GLT8D2: variants seen among roughly 807,000 people sequenced by gnomAD.
GLT8D2 encodes the protein glycosyltransferase 8 domain containing 2, also known as glycosyltransferase 8 domain-containing protein 2.
In GLT8D2, 45 loss-of-function variants were observed where a neutral mutation model predicts 44.5. The observed-to-expected ratio is 1.01, with a 90% CI of 0.80 to 1.30. The LOEUF is 1.30. Ranked by LOEUF, GLT8D2 falls within the 50% of genes most tolerant of loss-of-function variation. The probability of loss-of-function intolerance (pLI) is 0.00; values close to 1 mark genes in which losing one functional copy is unlikely to be tolerated. For synonymous variants in GLT8D2, 156 were observed against 157.2 expected, an observed-to-expected ratio of 0.99 and a Z score of 0.06; for missense variants, 400 against 430.4, an observed-to-expected ratio of 0.93 and a Z score of 0.62.
At chr12:103,995,582 C>T (rs1239786506) in intron 8 of GLT8D2, among the ~76,000 whole-genome samples, 1 of 152,212 alleles carries the variant, frequency 6.6e-6, no homozygotes, top group Non-Finnish European at 1.5e-5. Flanking sequence ...AAATATTTTA[C>T]TTGTTTACTG....
At chr12:104,009,737 T>C (rs1472545313) in intron 4 of GLT8D2, among the ~76,000 whole-genome samples, 1 of 152,216 alleles carries the variant, frequency 6.6e-6, no homozygotes, top group Non-Finnish European at 1.5e-5. Context: ...CAGTGGGAGA[T>C]GATGTGAATC....
At chr12:104,056,117 G>C (rs959164165) in intron 1 of GLT8D2, among the ~76,000 whole-genome samples, 1 of 152,206 alleles carries the variant, frequency 6.6e-6, no homozygotes, top group Admixed American at 6.5e-5. Flanking sequence ...AATTAAGTTA[G>C]GTTCTATCTA....
chr12:104,059,200 A>G (rs1263604202), intron 1 of GLT8D2, among the ~76,000 whole-genome samples: 2 of 152,226 alleles, frequency 1.3e-5, no homozygotes, highest in African/African-American at 4.8e-5. Flanking sequence ...TATATAATCT[A>G]TAATAGAGAA....
intron 4 of GLT8D2, among the ~76,000 whole-genome samples, chr12:104,004,316 G>A (rs989246252): frequency 6.6e-6 from 1 of 152,138 alleles, no homozygotes; most frequent in Non-Finnish European, 1.5e-5. Flanking sequence ...TTGAAAACTG[G>A]CACAAGACAG....
At position 104,022,708 on chromosome 12, in the gene GLT8D2, T is replaced by C. The variant is rs115376864; in HGVS notation, c.-163-1217A>G. ...TCTACAGAATGTCAAATCATACTAA[T>C]GTATTATCTATTCATATATATAAGT... On this transcript the variant is annotated intron_variant, in intron 1 of 10. Coordinates refer to ENST00000360814, the MANE Select transcript of GLT8D2 (RefSeq NM_001384711.1). Among the ~76,000 whole-genome samples, 570 of 152,108 alleles carry C rather than the reference T, an allele frequency of 3.7e-3. 6 individuals carry two copies. The highest frequency in any genetic ancestry group is 0.013 in the African/African-American group (526 of 41,482).
intron 1 of GLT8D2, among the ~76,000 whole-genome samples, chr12:104,031,704 G>T (rs1432164202): frequency 4.1e-5 from 6 of 147,884 alleles, no homozygotes; most frequent in Non-Finnish European, 7.4e-5. Flanking sequence ...TAGCCATTTT[G>T]TCGCCTGCAC....
chr12:104,013,772 C>T (rs544240890), intron 4 of GLT8D2, among the ~76,000 whole-genome samples: 11 of 152,250 alleles, frequency 7.2e-5, no homozygotes, highest in African/African-American at 9.6e-5. Flanking sequence ...TTCAGAGTCT[C>T]ACTCTGTCAT....
At chr12:104,045,992 A>G (rs1238198603) in intron 1 of GLT8D2, among the ~76,000 whole-genome samples, 1 of 152,212 alleles carries the variant, frequency 6.6e-6, no homozygotes, top group African/African-American at 2.4e-5. Flanking sequence ...TGATTGATTA[A>G]TCATGTCTGC....
chr12:104,025,362 C>T (rs1878451485), intron 1 of GLT8D2, among the ~76,000 whole-genome samples: 2 of 152,018 alleles, frequency 1.3e-5, no homozygotes, highest in African/African-American at 2.4e-5. Context: ...GTGCACACCA[C>T]TGCACCTGGC....
chr12:103,999,831 C>T (rs1196231583), intron 5 of GLT8D2, among the ~76,000 whole-genome samples: 1 of 152,200 alleles, frequency 6.6e-6, no homozygotes, highest in South Asian at 2.1e-4. Context: ...TATATAGCAG[C>T]ATCTGTGGTT....
At chr12:104,016,908 G>A (rs1041358064) in intron 3 of GLT8D2, among the ~76,000 whole-genome samples, 1 of 150,796 alleles carries the variant, frequency 6.6e-6, no homozygotes, top group Non-Finnish European at 1.5e-5. Context: ...AAGAAAGAAA[G>A]GAAGAAAGAA....
chr12:104,013,516 T>C (rs2136336705), intron 4 of GLT8D2, among the ~76,000 whole-genome samples: 2 of 152,336 alleles, frequency 1.3e-5, no homozygotes, highest in South Asian at 4.1e-4. Context: ...AGAACATTTG[T>C]ATATATGTCT....
At chr12:104,029,963 C>T (rs1048375002) in intron 1 of GLT8D2, among the ~76,000 whole-genome samples, 1 of 151,932 alleles carries the variant, frequency 6.6e-6, no homozygotes, top group East Asian at 1.9e-4. Flanking sequence ...ATTCCAATGA[C>T]ATTTTTCACA....
At chr12:104,045,922 A>AGAAAGAAAGAAAGAAAGAAAGAAG (rs1566213252) in intron 1 of GLT8D2, among the ~76,000 whole-genome samples, 1 of 149,134 alleles carries the variant, frequency 6.7e-6, no homozygotes, top group African/African-American at 2.5e-5. Flanking sequence ...AAAGAAAGAA[A>AGAAAGAAAGAAAGAAAGAAAGAAG]GAAAGAAAGA....
chr12:103,992,284 AAGACTT>A (rs1872835857), intron 10 of GLT8D2, among the ~76,000 whole-genome samples: 1 of 152,206 alleles, frequency 6.6e-6, no homozygotes, highest in African/African-American at 2.4e-5. Context: ...TAGTGAGTAA[AAGACTT>A]AGAGAACTCA....
At position 104,020,715 on chromosome 12, in the gene GLT8D2, GA is replaced by G. The variant is rs200416363; in HGVS notation, c.-29+641del. Among the ~76,000 whole-genome samples, 765 of 152,288 alleles carry G rather than the reference GA, an allele frequency of 5.0e-3. 4 individuals carry two copies. The highest frequency in any genetic ancestry group is 0.018 in the African/African-American group (738 of 41,552). On this transcript the variant is annotated intron_variant, in intron 2 of 10. Coordinates refer to ENST00000360814, the MANE Select transcript of GLT8D2 (RefSeq NM_001384711.1). ...TTCATTGAGGAGATGGCATTGGAGG[GA>G]AAGAAGAGCAAGAGCCAGTCAAGGG...
intron 4 of GLT8D2, among the ~76,000 whole-genome samples, chr12:104,009,440 C>A (rs1051332398): frequency 1.3e-5 from 2 of 152,204 alleles, no homozygotes; most frequent in East Asian, 3.8e-4. Flanking sequence ...TGTACCCCCA[C>A]TGTATCTAGG....
intron 1 of GLT8D2, among the ~76,000 whole-genome samples, chr12:104,021,856 AG>A (rs1877690882): frequency 8.2e-6 from 1 of 121,790 alleles, no homozygotes. Context: ...GAGAAGGAGA[AG>A]GAGAAGAAGA....
chr12:104,015,698 T>C (rs12228873), intron 3 of GLT8D2, among the ~76,000 whole-genome samples: 9,749 of 152,148 alleles, frequency 0.064, 570 homozygotes, highest in East Asian at 0.34. Context: ...TCTTTAGAAT[T>C]TTCCAAATAT....
Sources: gnomAD v4.1 joint callset for allele counts (sites outside exome capture counted in the v4.1 genomes callset) on GRCh38, gnomAD v4.1.1 for gene constraint, MANE v1.5 for transcripts, NCBI Gene and HGNC (gene_info 2026-07-23, HGNC 2026-07-21) for gene names.